The following GPR180 variants were observed in gnomAD, a reference collection of about 807,000 sequenced individuals.
GPR180 encodes G protein-coupled receptor 180.
GPR180 carries 53 observed loss-of-function variants against 52.6 expected under a neutral mutation model. The ratio of observed to expected loss-of-function variants is 1.01; its 90% confidence interval spans 0.81 to 1.27. The LOEUF is 1.27. Ranked by LOEUF, GPR180 falls within the 50% of genes most tolerant of loss-of-function variation. The pLI is 0.00. For missense variants in GPR180, 533 were observed against 527.0 expected (o/e 1.01, Z -0.11); for synonymous variants, 200 against 193.1 (o/e 1.04, Z -0.30).
In GPR180 at chr13:94,634,332, C is replaced by T. The variant is rs1267327238; in HGVS notation, c.*7161C>T. The T allele has an allele frequency of 1.3e-5, 2 of 152,012 alleles. No homozygotes were observed. The highest frequency in any genetic ancestry group is 4.8e-5 in the African/African-American group (2 of 41,400). The allele number at this position is 152,012 out of a possible 1,614,324, so 9.4% of individuals were successfully genotyped here. On this transcript the variant is annotated 3_prime_UTR_variant, in exon 9 of 9. Coordinates refer to ENST00000376958, the MANE Select transcript of GPR180 (RefSeq NM_180989.6). ...TCAACTGTCGGAAACTAGGTTTTCC[C>T]ATAGTGATCCAAGAAACTAGTACGA...
chr13:94,614,824 G>GT (rs1889756784), intron 3 of GPR180, among the ~76,000 whole-genome samples: 1 of 152,114 alleles, frequency 6.6e-6, no homozygotes, highest in Non-Finnish European at 1.5e-5. Flanking sequence ...CACTATAATC[G>GT]TATGTATTTT....
intron 8 of GPR180, 130 bp from the exon 9 acceptor site, chr13:94,626,883 T>G: frequency 1.4e-6 from 1 of 704,870 alleles, no homozygotes; most frequent in Non-Finnish European, 2.1e-6. Context: ...TTTGATAAAA[T>G]GTACCTATGG....
chr13:94,627,172 T>A lies in GPR180; in HGVS notation c.*1T>A. Reference sequence around the variant, plus strand: ...ACACAAAAGTCGCCCTCATTTCTGATACTTGATTTTTGTTGAGAGGAAAAG... The same window carrying A: ...ACACAAAAGTCGCCCTCATTTCTGAAACTTGATTTTTGTTGAGAGGAAAAG... On this transcript the variant is annotated 3_prime_UTR_variant, in exon 9 of 9. Coordinates refer to ENST00000376958, the MANE Select transcript of GPR180 (RefSeq NM_180989.6). The A allele has an allele frequency of 6.2e-7, 1 of 1,611,574 alleles. No individual in the cohort carries two copies. The highest frequency in any genetic ancestry group is 8.5e-7 in the Non-Finnish European group (1 of 1,179,008).
At chr13:94,620,878 A>G (rs914785014) in intron 5 of GPR180, among the ~76,000 whole-genome samples, 200 bp from the exon 6 acceptor site, 1 of 152,138 alleles carries the variant, frequency 6.6e-6, no homozygotes, top group Non-Finnish European at 1.5e-5. Context: ...TTTAATAAAT[A>G]TATTACAAAA....
At chr13:94,618,569 A>G (rs945671237) in intron 3 of GPR180, among the ~76,000 whole-genome samples, 7 of 151,812 alleles carry the variant, frequency 4.6e-5, no homozygotes, top group Non-Finnish European at 8.8e-5. Context: ...TGTGTTAGCT[A>G]TATCAGAATC....
At chr13:94,610,591 G>C (rs538706352) in intron 2 of GPR180, among the ~76,000 whole-genome samples, 12 of 152,232 alleles carry the variant, frequency 7.9e-5, no homozygotes, top group African/African-American at 2.9e-4. Flanking sequence ...TACTCTTTTT[G>C]TTACACCCAG....
rs1386939514 is a variant in GPR180, at chr13:94,633,526, T to C, written c.*6355T>C. The C allele has an allele frequency of 6.6e-6, 1 of 152,196 alleles. No homozygotes were observed. The highest frequency in any genetic ancestry group is 1.5e-5 in the Non-Finnish European group (1 of 68,034). 9.4% of individuals were successfully genotyped at this position (152,196 alleles called of 1,614,324 possible). On this transcript the variant is annotated 3_prime_UTR_variant, in exon 9 of 9. Coordinates refer to ENST00000376958, the MANE Select transcript of GPR180 (RefSeq NM_180989.6). ...ATTTTCTTTCCAGTTCTACGATCTG[T>C]TAACATATTTTTCCCACTTTTCTAT...
Position 94,601,874 on chromosome 13 carries a change from G to A in GPR180, c.-54G>A. ...CCTCCCCCAGCTGCCGACGTGGGGC[G>A]GGCAGCCGCCGGCGGCTGGGAGCCG... On this transcript the variant is annotated 5_prime_UTR_variant, in exon 1 of 9. Coordinates refer to ENST00000376958, the MANE Select transcript of GPR180 (RefSeq NM_180989.6). 1.5e-6 allele frequency: 2 copies of A among 1,332,862 alleles called. No individual in the cohort carries two copies. The highest frequency in any genetic ancestry group is 1.9e-6 in the Non-Finnish European group (2 of 1,040,178). 82.6% of individuals were successfully genotyped at this position (1,332,862 alleles called of 1,614,324 possible). A position where few individuals can be genotyped will look rare whatever the true frequency, so the allele number is the denominator to read the frequency against.
intron 2 of GPR180, among the ~76,000 whole-genome samples, chr13:94,607,070 T>C (rs1349791614): frequency 6.6e-6 from 1 of 152,230 alleles, no homozygotes; most frequent in East Asian, 1.9e-4. Context: ...TGATGTTCCC[T>C]GTTTTAAGAA....
chr13:94,602,129 G>T (rs1328323574), intron 1 of GPR180, 57 bp downstream of exon 1: 18 of 1,255,042 alleles, frequency 1.4e-5, no homozygotes, highest in Non-Finnish European at 1.2e-5. Flanking sequence ...CGCCGGCTGA[G>T]TCCGCCGGCC....
intron 7 of GPR180, among the ~76,000 whole-genome samples, chr13:94,625,591 G>A (rs989830786): frequency 5.9e-5 from 9 of 151,920 alleles, no homozygotes; most frequent in African/African-American, 1.2e-4. Context: ...ATTTTTACAG[G>A]ATTTCTTTGT....
intron 2 of GPR180, among the ~76,000 whole-genome samples, chr13:94,611,477 A>G (rs1889702486): frequency 6.6e-6 from 1 of 152,130 alleles, no homozygotes; most frequent in Non-Finnish European, 1.5e-5. Context: ...CATTGTGTAT[A>G]TTTTACCACA....
At chr13:94,604,788 G>T (rs1195454910) in intron 1 of GPR180, among the ~76,000 whole-genome samples, 1 of 151,680 alleles carries the variant, frequency 6.6e-6, no homozygotes, top group East Asian at 1.9e-4. Flanking sequence ...TGTTTCCCAG[G>T]CTGGTCTCAA....
At position 94,632,107 on chromosome 13, in the gene GPR180, G is replaced by A. The variant is rs1165596436; in HGVS notation, c.*4936G>A. The A allele has an allele frequency of 1.5e-4, 23 of 152,202 alleles. No homozygotes were observed. Among genetic ancestry groups the A allele is most frequent in the Non-Finnish European group, 7.4e-5 (5 of 68,026 alleles). 9.4% of individuals were successfully genotyped at this position (152,202 alleles called of 1,614,324 possible). On this transcript the variant is annotated 3_prime_UTR_variant, in exon 9 of 9. Transcript: ENST00000376958. ...GTTGTGTATCTCAGTAGACTCTTAA[G>A]AGATTTGTTGTTCAATGTATTCATG...
At chr13:94,607,724 A>C (rs1270461850) in intron 2 of GPR180, among the ~76,000 whole-genome samples, 1 of 152,190 alleles carries the variant, frequency 6.6e-6, no homozygotes, top group Admixed American at 6.5e-5. Context: ...TCAGTGACCA[A>C]AATGTCCTTA....
At chr13:94,611,754 G>A (rs1050957090) in intron 2 of GPR180, among the ~76,000 whole-genome samples, 51 of 152,090 alleles carry the variant, frequency 3.4e-4, no homozygotes, top group African/African-American at 1.2e-3. Flanking sequence ...CCGCAATGAT[G>A]GGAACATGAC....
At chr13:94,609,525 T>TG (rs984548973) in intron 2 of GPR180, among the ~76,000 whole-genome samples, 16 of 152,100 alleles carry the variant, frequency 1.1e-4, no homozygotes, top group African/African-American at 2.9e-4. Context: ...GGTAAAAGTG[T>TG]GGGTTTTTTT....
intron 8 of GPR180, among the ~76,000 whole-genome samples, chr13:94,626,402 A>G (rs1364633598): frequency 6.6e-6 from 1 of 152,194 alleles, no homozygotes; most frequent in Non-Finnish European, 1.5e-5. Flanking sequence ...GTTATTGAAC[A>G]GACTACAAAC....
chr13:94,625,850 C>G (rs1046961455), intron 7 of GPR180, 116 bp from the exon 8 acceptor site: 2 of 574,478 alleles, frequency 3.5e-6, no homozygotes, highest in Admixed American at 2.9e-5. Context: ...AGGCTGTACT[C>G]TAAAGGCCTG....
Sources: allele counts gnomAD v4.1 joint callset (sites outside exome capture counted in the v4.1 genomes callset), GRCh38; gene constraint gnomAD v4.1.1; transcripts MANE v1.5; gene names NCBI Gene and HGNC (gene_info 2026-07-23, HGNC 2026-07-21).